Variants in ZBTB20 observed in about 807,000 individuals in gnomAD.
ZBTB20 encodes the protein zinc finger and BTB domain-containing protein 20.
Under a neutral mutation model 56.9 loss-of-function variants are expected in ZBTB20, and 9 were observed. The ratio of observed to expected loss-of-function variants is 0.16; its 90% CI spans 0.10 to 0.28. The LOEUF (loss-of-function observed/expected upper bound fraction) is 0.28. ZBTB20 is among the 10% of genes least tolerant of loss of function. The probability of loss-of-function intolerance (pLI) is 1.00; values close to 1 mark genes in which losing one functional copy is unlikely to be tolerated. For missense variants in ZBTB20, 655 were observed against 1,003.0 expected (o/e 0.65, Z 4.69); for synonymous variants, 417 against 420.7 (o/e 0.99, Z 0.11).
At chr3:114,720,182 T>C (rs1396107823) in intron 5 of ZBTB20, among the ~76,000 whole-genome samples, 3 of 149,404 alleles carry the variant, frequency 2.0e-5, no homozygotes, top group Non-Finnish European at 4.4e-5. Flanking sequence ...ATTTTTCTTA[T>C]ACATCTAGTA....
intron 5 of ZBTB20, among the ~76,000 whole-genome samples, chr3:114,785,436 A>C (rs572567343): frequency 6.6e-6 from 1 of 152,278 alleles, no homozygotes; most frequent in Non-Finnish European, 1.5e-5. Flanking sequence ...GCTGAAATAA[A>C]ATTATTTCAG....
intron 10 of ZBTB20, among the ~76,000 whole-genome samples, chr3:114,373,965 C>T (rs2083320159): frequency 1.3e-5 from 2 of 152,084 alleles, no homozygotes; most frequent in South Asian, 4.1e-4. Flanking sequence ...GTTTCAAGAC[C>T]TGTGCTTTTT....
At chr3:114,368,160 G>A (rs531718300) in intron 10 of ZBTB20, among the ~76,000 whole-genome samples, 6 of 152,264 alleles carry the variant, frequency 3.9e-5, no homozygotes, top group African/African-American at 1.4e-4. Flanking sequence ...AACCCTATGA[G>A]ATGCATACTA....
intron 2 of ZBTB20, among the ~76,000 whole-genome samples, chr3:114,980,506 CT>C (rs1033204744): frequency 6.6e-6 from 1 of 151,780 alleles, no homozygotes; most frequent in Non-Finnish European, 1.5e-5. Flanking sequence ...AAATAGAAGA[CT>C]TTTTTTAAAT....
At chr3:114,954,476 T>TAC (rs373614366) in intron 3 of ZBTB20, among the ~76,000 whole-genome samples, 5 of 151,888 alleles carry the variant, frequency 3.3e-5, no homozygotes, top group East Asian at 1.9e-4. Flanking sequence ...CTATTTTAGT[T>TAC]ACACACACAC....
intron 7 of ZBTB20, among the ~76,000 whole-genome samples, chr3:114,429,858 G>C (rs1310212265): frequency 6.6e-6 from 1 of 152,150 alleles, no homozygotes. Flanking sequence ...GGATGTGCAT[G>C]GGTTATATGC....
chr3:114,565,634 G>A (rs911723267), intron 6 of ZBTB20, among the ~76,000 whole-genome samples: 1 of 152,112 alleles, frequency 6.6e-6, no homozygotes, highest in Non-Finnish European at 1.5e-5. Context: ...ATACGGTAGC[G>A]ATAACTAAAG....
intron 4 of ZBTB20, among the ~76,000 whole-genome samples, chr3:114,847,013 A>G (rs2074738881): frequency 6.6e-6 from 1 of 152,220 alleles, no homozygotes; most frequent in Non-Finnish European, 1.5e-5. Context: ...TTAGTCCAAG[A>G]AACGGAATGA....
chr3:114,870,815 C>T (rs897433995), intron 4 of ZBTB20, among the ~76,000 whole-genome samples: 4 of 152,210 alleles, frequency 2.6e-5, no homozygotes, highest in South Asian at 2.1e-4. Flanking sequence ...TCTACCCTTA[C>T]TTTCACCTCT....
intron 2 of ZBTB20, among the ~76,000 whole-genome samples, chr3:115,005,497 T>C (rs1411665027): frequency 1.3e-5 from 2 of 151,816 alleles, no homozygotes; most frequent in African/African-American, 4.8e-5. Flanking sequence ...TTAAAATAAG[T>C]TATTTGTAAA....
At chr3:114,913,730 C>T (rs1246408333) in intron 3 of ZBTB20, among the ~76,000 whole-genome samples, 1 of 151,112 alleles carries the variant, frequency 6.6e-6, no homozygotes, top group Non-Finnish European at 1.5e-5. Context: ...AGACTTAAGT[C>T]TTTAATTCAT....
chr3:114,871,056 GAGA>G (rs10576304), intron 4 of ZBTB20, among the ~76,000 whole-genome samples: 113,986 of 151,686 alleles, frequency 0.75, 47,179 homozygotes, highest in East Asian at 0.99. Flanking sequence ...GGAAGAGAAT[GAGA>G]AGAAGAAGTC....
At chr3:114,937,650 T>C (rs1055826057) in intron 3 of ZBTB20, among the ~76,000 whole-genome samples, 2 of 152,064 alleles carry the variant, frequency 1.3e-5, no homozygotes, top group African/African-American at 4.8e-5. Context: ...CTGGACCTCC[T>C]GACCTCGTGA....
At chr3:114,822,596 C>T (rs2108924525) in intron 4 of ZBTB20, among the ~76,000 whole-genome samples, 1 of 152,156 alleles carries the variant, frequency 6.6e-6, no homozygotes, top group Admixed American at 6.6e-5. Flanking sequence ...AACAAACATT[C>T]TACCTAGGAA....
chr3:114,868,312 A>G (rs925968709), intron 4 of ZBTB20, among the ~76,000 whole-genome samples: 4 of 152,148 alleles, frequency 2.6e-5, no homozygotes, highest in African/African-American at 7.2e-5. Context: ...TCCTTCCCCA[A>G]GCGGATAAAA....
intron 5 of ZBTB20, among the ~76,000 whole-genome samples, chr3:114,777,891 T>C (rs918263816): frequency 2.0e-5 from 3 of 151,722 alleles, no homozygotes; most frequent in Non-Finnish European, 2.9e-5. Context: ...GTGGCACATA[T>C]ACACCATGGA....
At chr3:114,963,922 G>T (rs77635834) in intron 3 of ZBTB20, among the ~76,000 whole-genome samples, 1 of 152,084 alleles carries the variant, frequency 6.6e-6, no homozygotes, top group Non-Finnish European at 1.5e-5. Context: ...AATTTTTAAA[G>T]AACCCCTTTT....
chr3:114,779,233 C>T (rs989721677), intron 5 of ZBTB20, among the ~76,000 whole-genome samples: 4 of 152,126 alleles, frequency 2.6e-5, no homozygotes, highest in Non-Finnish European at 5.9e-5. Flanking sequence ...GATGCATATC[C>T]TTTCTATAAA....
At position 114,728,754 on chromosome 3, in the gene ZBTB20, C is replaced by T. The variant is rs570145293; in HGVS notation, c.-342-35179G>A. ...ATCTTTTTAACATGACTTAGTCTGT[C>T]AAGAGAATAAGAGAGAGAATGTGTT... On this transcript the variant is annotated intron_variant, in intron 5 of 11. Coordinates refer to ENST00000675478, the MANE Select transcript of ZBTB20 (RefSeq NM_001348800.3). Among the ~76,000 whole-genome samples, 6 of 152,240 alleles carry T rather than the reference C, an allele frequency of 3.9e-5. 1 individual carries two copies. The highest frequency in any genetic ancestry group is 1.4e-4 in the African/African-American group (6 of 41,540).
Sources: gnomAD v4.1 joint callset for allele counts (sites outside exome capture counted in the v4.1 genomes callset) on GRCh38, gnomAD v4.1.1 for gene constraint, MANE v1.5 for transcripts, NCBI Gene and HGNC (gene_info 2026-07-23, HGNC 2026-07-21) for gene names.